The following OR10J1 variants were observed in gnomAD, a reference collection of about 807,000 sequenced individuals.
OR10J1 encodes the protein olfactory receptor 10J1.
For missense variants in OR10J1, 474 were observed against 376.6 expected (o/e 1.26, Z -2.14); for synonymous variants, 202 against 143.8 (o/e 1.40, Z -2.89).
upstream of OR10J1, chr1:159,439,603 T>A: frequency 1.5e-6 from 1 of 684,842 alleles, no homozygotes. Flanking sequence ...TAACAGATGG[T>A]CACAGAGTAA....
At chr1:159,432,504 C>T in the OR10J1 span, 1 of 442,998 alleles carries the variant, frequency 2.3e-6, no homozygotes, top group Non-Finnish European at 4.1e-6. Context: ...CTGTGCCGCT[C>T]AGCTCTTTTT....
At chr1:159,398,205 C>A in the OR10J1 span, among the ~76,000 whole-genome samples, 5 of 152,056 alleles carry the variant, frequency 3.3e-5, no homozygotes, top group African/African-American at 1.2e-4. Context: ...TTAGGGTGAC[C>A]CCTAAAGCAG....
At chr1:159,403,568 C>T in the OR10J1 span, among the ~76,000 whole-genome samples, 2 of 152,104 alleles carry the variant, frequency 1.3e-5, no homozygotes, top group Non-Finnish European at 2.9e-5. Flanking sequence ...AGTGAGATAT[C>T]ATCTCACCCC....
the OR10J1 span, among the ~76,000 whole-genome samples, chr1:159,404,747 C>T: frequency 6.6e-6 from 1 of 152,082 alleles, no homozygotes; most frequent in Non-Finnish European, 1.5e-5. Flanking sequence ...AATCCTATCA[C>T]TACAACTGTC....
At chr1:159,433,037 A>C (rs1022359404), upstream of OR10J1, 3 of 448,292 alleles carry the variant, frequency 6.7e-6, no homozygotes, top group Non-Finnish European at 1.2e-5. Flanking sequence ...TGTGACATAC[A>C]CTGTTATTAC....
chr1:159,405,927 C>T, the OR10J1 span: 5 of 510,838 alleles, frequency 9.8e-6, no homozygotes, highest in Non-Finnish European at 1.9e-5. Context: ...GGCCAATCCT[C>T]AGTGACCCAG....
the OR10J1 span, chr1:159,406,236 C>A: frequency 1.9e-6 from 1 of 529,314 alleles, no homozygotes; most frequent in Non-Finnish European, 3.9e-6. Flanking sequence ...TCACAATAAT[C>A]ACATTGCCAG....
At chr1:159,426,363 C>T in the OR10J1 span, among the ~76,000 whole-genome samples, 772 of 151,704 alleles carry the variant, frequency 5.1e-3, 11 homozygotes, top group African/African-American at 0.017. Flanking sequence ...GGTATTCGAG[C>T]AGATGAAAAC....
the OR10J1 span, among the ~76,000 whole-genome samples, chr1:159,413,746 G>A: frequency 1.3e-5 from 2 of 150,928 alleles, no homozygotes; most frequent in South Asian, 2.1e-4. Context: ...GCTAAATGAT[G>A]AGTTAATGGG....
the OR10J1 span, chr1:159,432,294 A>G: frequency 2.5e-6 from 1 of 401,068 alleles, no homozygotes; most frequent in Non-Finnish European, 4.4e-6. Context: ...CCTCTTTGTG[A>G]TCTTTTTGGT....
the OR10J1 span, among the ~76,000 whole-genome samples, chr1:159,413,347 C>G: frequency 6.6e-6 from 1 of 151,566 alleles, no homozygotes; most frequent in Non-Finnish European, 1.5e-5. Context: ...GGGTATATAC[C>G]CAAAGGACTA....
the OR10J1 span, among the ~76,000 whole-genome samples, chr1:159,398,463 G>A: frequency 6.6e-6 from 1 of 152,066 alleles, no homozygotes; most frequent in Admixed American, 6.6e-5. Context: ...TTTCAGAAAG[G>A]GAATTCAAAA....
the OR10J1 span, among the ~76,000 whole-genome samples, chr1:159,408,210 C>T: frequency 6.6e-6 from 1 of 151,870 alleles, no homozygotes; most frequent in Non-Finnish European, 1.5e-5. Context: ...GACTTGGAAC[C>T]AACCCAAATG....
At chr1:159,433,411 C>T (rs1238271167), upstream of OR10J1, among the ~76,000 whole-genome samples, 2 of 152,180 alleles carry the variant, frequency 1.3e-5, no homozygotes, top group East Asian at 1.9e-4. Flanking sequence ...TAATGTTAGA[C>T]ATTATTCCTG....
At chr1:159,419,576 T>C in the OR10J1 span, among the ~76,000 whole-genome samples, 13 of 152,224 alleles carry the variant, frequency 8.5e-5, no homozygotes, top group Non-Finnish European at 1.6e-4. Context: ...ATGCCTTTAT[T>C]AGCAGAGTGA....
At chr1:159,418,515 G>A in the OR10J1 span, among the ~76,000 whole-genome samples, 2 of 152,180 alleles carry the variant, frequency 1.3e-5, no homozygotes, top group South Asian at 2.1e-4. Flanking sequence ...GTCAAGAATC[G>A]AGGCTTGGGA....
At position 159,440,175 on chromosome 1, in the gene OR10J1, C is replaced by T. The variant is rs12070985; in HGVS notation, c.384C>T (p.Asn128=). ...ATGACCGCTATGTGGCCATCTGCAACCCCCTGAGATACATGGTTATTATGA... is the reference window on the plus strand; with the variant it reads ...ATGACCGCTATGTGGCCATCTGCAATCCCCTGAGATACATGGTTATTATGA... The part of the protein sequence containing the change: ...MGYDRYVAIC[N]PLRYMVIMNK... Residue 128 remains asparagine (N), a synonymous_variant, in exon 1 of 1, where the codon AAC becomes AAT. Transcript: ENST00000423932. 1.6e-3 allele frequency: 2,564 copies of T among 1,614,022 alleles called. 37 individuals carry two copies. In the African/African-American group the frequency reaches 0.031, roughly 20 times the overall value.
chr1:159,432,761 G>A, the OR10J1 span: 1 of 398,472 alleles, frequency 2.5e-6, no homozygotes, highest in Non-Finnish European at 4.4e-6. Context: ...GGCCCATAAT[G>A]AAGCTTGCCT....
chr1:159,424,221 A>G, the OR10J1 span, among the ~76,000 whole-genome samples: 1 of 151,700 alleles, frequency 6.6e-6, no homozygotes, highest in Non-Finnish European at 1.5e-5. Context: ...ATCTCCAAAA[A>G]AAAAAAAGCC....
Sources: allele counts gnomAD v4.1 joint callset (sites outside exome capture counted in the v4.1 genomes callset), GRCh38; gene constraint gnomAD v4.1.1; transcripts MANE v1.5; gene names NCBI Gene and HGNC (gene_info 2026-07-23, HGNC 2026-07-21).